ZNF423: variants seen among roughly 807,000 people sequenced by gnomAD.
ZNF423 encodes zinc finger protein 423.
A neutral mutation model predicts 95.8 loss-of-function variants in ZNF423; 12 were observed. The ratio of observed to expected loss-of-function variants is 0.13; its 90% confidence interval spans 0.08 to 0.20. ZNF423 has a LOEUF of 0.20. Among genes scored for constraint, ZNF423 ranks in the 10% least tolerant of loss-of-function variants. The pLI is 1.00. For synonymous variants in ZNF423, 749 were observed against 711.9 expected, an observed-to-expected ratio of 1.05 and a Z score of -0.83; for missense variants, 1,316 against 1,737.1, an observed-to-expected ratio of 0.76 and a Z score of 4.31.
intron 3 of ZNF423, among the ~76,000 whole-genome samples, chr16:49,681,551 C>G (rs993280726): frequency 2.0e-5 from 3 of 152,142 alleles, no homozygotes; most frequent in African/African-American, 7.2e-5. Flanking sequence ...AGGGTGTGTG[C>G]AGCAAAGTAG....
chr16:49,744,497 AG>A (rs35428019), intron 2 of ZNF423, among the ~76,000 whole-genome samples: 2,202 of 152,134 alleles, frequency 0.014, 40 homozygotes, highest in African/African-American at 0.049. Flanking sequence ...ACACGAGGCC[AG>A]GCGGGGTGTC....
intron 3 of ZNF423, among the ~76,000 whole-genome samples, chr16:49,705,703 A>G (rs535924806): frequency 1.3e-5 from 2 of 152,196 alleles, no homozygotes; most frequent in East Asian, 3.9e-4. Context: ...GCCCACCACC[A>G]CGCCAGGCTA....
chr16:49,531,619 T>A (rs982509385), intron 5 of ZNF423, among the ~76,000 whole-genome samples: 10 of 152,168 alleles, frequency 6.6e-5, no homozygotes, highest in African/African-American at 2.4e-4. Flanking sequence ...TTGGGCCGTT[T>A]ATCTATTGAT....
At chr16:49,627,753 C>CT in intron 4 of ZNF423, among the ~76,000 whole-genome samples, 1 of 145,634 alleles carries the variant, frequency 6.9e-6, no homozygotes, top group East Asian at 2.2e-4. Context: ...CATCCATCTA[C>CT]ATAAACACCC....
chr16:49,743,054 T>C (rs1024754120), intron 2 of ZNF423, among the ~76,000 whole-genome samples: 1 of 151,840 alleles, frequency 6.6e-6, no homozygotes, highest in African/African-American at 2.4e-5. Context: ...TTAAAAACCA[T>C]GCACCTTAGC....
At chr16:49,744,719 A>G (rs1229391630) in intron 2 of ZNF423, among the ~76,000 whole-genome samples, 1 of 152,204 alleles carries the variant, frequency 6.6e-6, no homozygotes, top group East Asian at 1.9e-4. Flanking sequence ...CCAAAGGTCA[A>G]GTGAACCGCA....
At chr16:49,600,138 C>A (rs1005718024) in intron 5 of ZNF423, among the ~76,000 whole-genome samples, 1 of 151,848 alleles carries the variant, frequency 6.6e-6, no homozygotes, top group Non-Finnish European at 1.5e-5. Context: ...ATGGTGAAAC[C>A]CTGTCTCTAC....
intron 1 of ZNF423, among the ~76,000 whole-genome samples, chr16:49,849,258 C>T (rs1346203605): frequency 6.6e-6 from 1 of 152,082 alleles, no homozygotes; most frequent in East Asian, 1.9e-4. Flanking sequence ...ATCCCAAATC[C>T]AGAACTCAAT....
chr16:49,666,210 G>A (rs1017943587), intron 3 of ZNF423, among the ~76,000 whole-genome samples: 9 of 152,180 alleles, frequency 5.9e-5, no homozygotes, highest in Non-Finnish European at 1.0e-4. Context: ...ATCTAAACAT[G>A]TGTGTAACTC....
At chr16:49,593,175 G>A (rs1397742479) in intron 5 of ZNF423, among the ~76,000 whole-genome samples, 1 of 152,204 alleles carries the variant, frequency 6.6e-6, no homozygotes, top group African/African-American at 2.4e-5. Flanking sequence ...GCTCTGCGTG[G>A]TGGCTCATGC....
intron 3 of ZNF423, among the ~76,000 whole-genome samples, chr16:49,648,669 G>GA (rs71380367): frequency 3.7e-4 from 55 of 148,026 alleles, no homozygotes; most frequent in Admixed American, 6.8e-4. Flanking sequence ...AAAGAAAAAA[G>GA]AAAAAAAAAA....
At chr16:49,607,598 T>C (rs2151839513) in intron 5 of ZNF423, among the ~76,000 whole-genome samples, 1 of 152,318 alleles carries the variant, frequency 6.6e-6, no homozygotes, top group African/African-American at 2.4e-5. Context: ...GGCTGGATAA[T>C]GGGGTTGTTT....
At position 49,706,050 on chromosome 16, in the gene ZNF423, G is replaced by A. The variant is rs372844421; in HGVS notation, c.301+24721C>T. 1.2e-4 allele frequency among the ~76,000 whole-genome samples: 19 copies of A among 152,238 alleles called. No individual in the cohort carries two copies. In the East Asian group the frequency reaches 1.7e-3, roughly 14 times the overall value. ...GGCACACTGCGGGGTGGTGTTTAAC[G>A]CAGAGAGAACAGCGTGGGCAAGGGC... is the stretch of plus-strand genomic sequence containing the variant. On this transcript the variant is annotated intron_variant, in intron 3 of 7. Coordinates refer to ENST00000563137, the MANE Select transcript of ZNF423 (RefSeq NM_001379286.1).
At chr16:49,721,468 C>T (rs941188829) in intron 3 of ZNF423, among the ~76,000 whole-genome samples, 2 of 152,056 alleles carry the variant, frequency 1.3e-5, no homozygotes, top group Non-Finnish European at 2.9e-5. Context: ...ACATGTACAA[C>T]CAGCCTAAAG....
chr16:49,843,248 A>G (rs78373213), intron 1 of ZNF423, among the ~76,000 whole-genome samples: 2,565 of 152,308 alleles, frequency 0.017, 28 homozygotes, highest in Non-Finnish European at 0.024. Flanking sequence ...AACAGCAAAA[A>G]ACTGGAAGCA....
intron 3 of ZNF423, among the ~76,000 whole-genome samples, chr16:49,674,894 C>G (rs1272163757): frequency 6.6e-6 from 1 of 152,126 alleles, no homozygotes. Flanking sequence ...TCATGACCAC[C>G]CCTGCTTCCT....
intron 3 of ZNF423, among the ~76,000 whole-genome samples, chr16:49,658,244 G>C (rs950324283): frequency 6.6e-6 from 1 of 152,294 alleles, no homozygotes; most frequent in South Asian, 2.1e-4. Context: ...GTGCAGGGAC[G>C]AGGGCGCACC....
chr16:49,662,131 C>T (rs140612264), intron 3 of ZNF423, among the ~76,000 whole-genome samples: 373 of 152,318 alleles, frequency 2.4e-3, no homozygotes, highest in African/African-American at 8.6e-3. Flanking sequence ...ACCCTTCTCG[C>T]GGGCATCCCC....
At chr16:49,786,212 C>G (rs2034309793) in intron 2 of ZNF423, among the ~76,000 whole-genome samples, 1 of 152,230 alleles carries the variant, frequency 6.6e-6, no homozygotes, top group Non-Finnish European at 1.5e-5. Flanking sequence ...CCAGGCAAGG[C>G]CAGGCTCTCC....
Sources: allele counts gnomAD v4.1 joint callset (sites outside exome capture counted in the v4.1 genomes callset), GRCh38; gene constraint gnomAD v4.1.1; transcripts MANE v1.5; gene names NCBI Gene and HGNC (gene_info 2026-07-23, HGNC 2026-07-21).